CHST11: variants seen among roughly 807,000 people sequenced by gnomAD.
CHST11 encodes the protein C4S-1.
In CHST11, 9 loss-of-function variants were observed where a neutral mutation model predicts 30.4. The observed-to-expected ratio is 0.30, with a 90% CI of 0.18 to 0.52. The LOEUF (loss-of-function observed/expected upper bound fraction) is 0.52, where lower values mean the gene tolerates loss of function less well. CHST11 is among the 20% of genes least tolerant of loss of function. The pLI, the probability that CHST11 is intolerant of heterozygous loss-of-function variation, is 0.97. For synonymous variants in CHST11, 152 were observed against 187.8 expected (o/e 0.81, Z 1.56); for missense variants, 348 against 460.6 (o/e 0.76, Z 2.24).
intron 2 of CHST11, among the ~76,000 whole-genome samples, chr12:104,631,533 T>C (rs1362824102): frequency 6.6e-6 from 1 of 152,090 alleles, no homozygotes; most frequent in Non-Finnish European, 1.5e-5. Context: ...GCTGGGAAGT[T>C]ACCTCTTCAT....
At chr12:104,681,215 G>A (rs1355507278) in intron 2 of CHST11, among the ~76,000 whole-genome samples, 4 of 152,172 alleles carry the variant, frequency 2.6e-5, no homozygotes, top group South Asian at 4.1e-4. Context: ...GTAACTTCAT[G>A]CATTACCATC....
intron 2 of CHST11, among the ~76,000 whole-genome samples, chr12:104,670,475 A>C (rs61938647): frequency 0.078 from 5,713 of 73,552 alleles, 227 homozygotes; most frequent in African/African-American, 0.19. Context: ...TCAGACCCAC[A>C]CACACACACA....
intron 2 of CHST11, among the ~76,000 whole-genome samples, chr12:104,649,585 T>C (rs935128896): frequency 1.3e-5 from 2 of 151,912 alleles, no homozygotes; most frequent in South Asian, 2.1e-4. Flanking sequence ...TAAGGGGGAG[T>C]AGGCGAACCA....
At chr12:104,603,201 C>T (rs1222346122) in intron 2 of CHST11, among the ~76,000 whole-genome samples, 2 of 152,182 alleles carry the variant, frequency 1.3e-5, no homozygotes, top group African/African-American at 4.8e-5. Context: ...CACACACACC[C>T]TGTCCTAAGG....
chr12:104,656,662 C>T (rs1224716676), intron 2 of CHST11, among the ~76,000 whole-genome samples: 1 of 152,232 alleles, frequency 6.6e-6, no homozygotes, highest in Non-Finnish European at 1.5e-5. Context: ...TAGCCCCTGC[C>T]GGCTTTGCTC....
chr12:104,582,393 C>T (rs546708640), intron 1 of CHST11, among the ~76,000 whole-genome samples: 5 of 152,222 alleles, frequency 3.3e-5, no homozygotes, highest in South Asian at 4.2e-4. Context: ...TGTGTGTGTG[C>T]GTGTGTTTGT....
chr12:104,604,751 T>G (rs1264901625), intron 2 of CHST11, among the ~76,000 whole-genome samples: 1 of 152,182 alleles, frequency 6.6e-6, no homozygotes, highest in Non-Finnish European at 1.5e-5. Context: ...AGCTGGTGTT[T>G]CCGTTTTTTG....
chr12:104,504,116 C>T (rs185619192), intron 1 of CHST11, among the ~76,000 whole-genome samples: 126 of 152,322 alleles, frequency 8.3e-4, no homozygotes, highest in African/African-American at 2.8e-3. Flanking sequence ...TAGGTCTTAC[C>T]TGGGTGTACC....
chr12:104,757,723 C>A lies in CHST11; in HGVS notation c.979C>A (p.Gln327Lys), dbSNP rs776141915. Residue 327 changes from glutamine (Q) to lysine (K), a missense_variant, in exon 3 of 3, where the codon CAA becomes AAA. Physicochemically the swap from Gln to Lys is moderately conservative, Grantham distance 53. Transcript: ENST00000303694. The surrounding 1 kb of genome is among the most constrained non-coding windows in gnomAD (Gnocchi z 6.5). Reference sequence around the variant, plus strand: ...CTTCCAGAACATCAGCTCAGAGCACCAAACGCAGCTGTACGAAGTCTACAA... The same window carrying A: ...CTTCCAGAACATCAGCTCAGAGCACAAAACGCAGCTGTACGAAGTCTACAA... ...EFFQNISSEHQTQLYEVYKLD... is the reference protein window; with the variant it reads ...EFFQNISSEHKTQLYEVYKLD... 6.2e-7 allele frequency: 1 copy of A among 1,614,142 alleles called. No individual in the cohort carries two copies. Among genetic ancestry groups the A allele is most frequent in the Non-Finnish European group, 8.5e-7 (1 of 1,180,040 alleles).
At chr12:104,664,946 C>T (rs918551520) in intron 2 of CHST11, among the ~76,000 whole-genome samples, 1 of 152,142 alleles carries the variant, frequency 6.6e-6, no homozygotes, top group Non-Finnish European at 1.5e-5. Context: ...AGGCAAACCT[C>T]GAGGGTTAAT....
intron 1 of CHST11, among the ~76,000 whole-genome samples, chr12:104,488,729 GTA>G (rs1217224268): frequency 7.3e-6 from 1 of 136,742 alleles, no homozygotes; most frequent in Non-Finnish European, 1.5e-5. Flanking sequence ...GTGTATGTGT[GTA>G]TGTGTACGCG....
In CHST11 at chr12:104,458,028, C is replaced by T. The variant is rs948790639; in HGVS notation, c.118+499C>T. Among the ~76,000 whole-genome samples the T allele has an allele frequency of 6.6e-6, 1 of 151,432 alleles. No individual in the cohort carries two copies. Among genetic ancestry groups the T allele is most frequent in the Non-Finnish European group, 1.5e-5 (1 of 67,774 alleles). On this transcript the variant is annotated intron_variant, in intron 1 of 2. Coordinates refer to ENST00000303694, the MANE Select transcript of CHST11 (RefSeq NM_018413.6). The surrounding 1 kb of genome is among the most constrained non-coding windows in gnomAD (Gnocchi z 5.7). ...TGCCGGGCCGGGGGCGAAGGGTGTA[C>T]GCCCCGGCGAGGTTGCGAGTCCCTG...
At chr12:104,491,449 T>G (rs2037745336) in intron 1 of CHST11, among the ~76,000 whole-genome samples, 1 of 151,992 alleles carries the variant, frequency 6.6e-6, no homozygotes, top group African/African-American at 2.4e-5. Flanking sequence ...TAGTCTCTTC[T>G]TCTTCTTCTT....
chr12:104,639,894 A>T (rs2039359073), intron 2 of CHST11, among the ~76,000 whole-genome samples: 1 of 149,532 alleles, frequency 6.7e-6, no homozygotes, highest in African/African-American at 2.5e-5. Flanking sequence ...AAGAGAACAA[A>T]CAGCCCAGTT....
At chr12:104,606,639 C>T (rs1211954655) in intron 2 of CHST11, among the ~76,000 whole-genome samples, 1 of 152,088 alleles carries the variant, frequency 6.6e-6, no homozygotes. Context: ...TTATTTTTCC[C>T]GGGTGAAAAC....
chr12:104,725,242 C>T lies in CHST11; in HGVS notation c.205-31707C>T, dbSNP rs2040207759. 2.0e-5 allele frequency among the ~76,000 whole-genome samples: 3 copies of T among 152,278 alleles called. No individual in the cohort carries two copies. The South Asian group carries it at 6.2e-4, about 32-fold the overall frequency. ...TCGTTAGCATAGCAAGCGTTGTGTT[C>T]GTGTCAACACTTCAGGTTGTTTCTG... On this transcript the variant is annotated intron_variant, in intron 2 of 2. Transcript: ENST00000303694.
chr12:104,632,908 G>A (rs1345194962), intron 2 of CHST11, among the ~76,000 whole-genome samples: 2 of 152,230 alleles, frequency 1.3e-5, no homozygotes, highest in East Asian at 3.8e-4. Flanking sequence ...AGCTGGCTGC[G>A]GTCCTCCCTG....
chr12:104,597,077 C>G (rs2038913076), intron 1 of CHST11, among the ~76,000 whole-genome samples: 1 of 152,182 alleles, frequency 6.6e-6, no homozygotes, highest in South Asian at 2.1e-4. Context: ...CCCAGAGAAC[C>G]AGGTGGGCTT....
intron 2 of CHST11, among the ~76,000 whole-genome samples, chr12:104,742,178 G>A (rs115093081): frequency 0.011 from 1,730 of 152,244 alleles, 36 homozygotes; most frequent in African/African-American, 0.04. Flanking sequence ...AGGAAACTAA[G>A]GCCTGAAGGG....
Sources: gnomAD v4.1 joint callset for allele counts (sites outside exome capture counted in the v4.1 genomes callset) on GRCh38, gnomAD v4.1.1 for gene constraint, Gnocchi (gnomAD v3.1) non-coding constraint, MANE v1.5 for transcripts, NCBI Gene and HGNC (gene_info 2026-07-23, HGNC 2026-07-21) for gene names.